Variants in DCBLD2 observed in about 807,000 individuals in gnomAD.
The protein encoded by DCBLD2 is discoidin, CUB and LCCL domain containing 2.
Under a neutral mutation model 86.8 loss-of-function variants are expected in DCBLD2, and 54 were observed. The ratio of observed to expected loss-of-function variants is 0.62; its 90% confidence interval spans 0.50 to 0.78. DCBLD2 has a LOEUF of 0.78. DCBLD2 is among the 30% of genes least tolerant of loss of function. DCBLD2 has a pLI of 0.00. For synonymous variants in DCBLD2, 354 were observed against 341.3 expected (o/e 1.04, Z -0.41); for missense variants, 908 against 954.2 (o/e 0.95, Z 0.64).
chr3:98,821,374 TC>T (rs1942116077), intron 6 of DCBLD2, among the ~76,000 whole-genome samples: 1 of 152,230 alleles, frequency 6.6e-6, no homozygotes, highest in South Asian at 2.1e-4. Context: ...TGTTTCAATT[TC>T]TCTTGCTTTT....
chr3:98,888,644 C>T (rs144077586), intron 1 of DCBLD2, among the ~76,000 whole-genome samples: 190 of 152,120 alleles, frequency 1.2e-3, no homozygotes, highest in African/African-American at 4.4e-3. Flanking sequence ...AAGATCAGAA[C>T]AGCTTTTGCC....
chr3:98,900,945 G>T, intron 1 of DCBLD2, 177 bp downstream of exon 1: 1 of 1,131,002 alleles, frequency 8.8e-7, no homozygotes, highest in Non-Finnish European at 1.2e-6. Flanking sequence ...CCAACTTGGG[G>T]GACAGACGGG....
chr3:98,892,683 C>A (rs942445801), intron 1 of DCBLD2, among the ~76,000 whole-genome samples: 5 of 152,134 alleles, frequency 3.3e-5, no homozygotes, highest in African/African-American at 1.2e-4. Context: ...CCCTCTCAAT[C>A]CTCCCAATAG....
chr3:98,817,986 C>T (rs954030980), intron 8 of DCBLD2, 93 bp from the exon 9 acceptor site: 12 of 1,434,056 alleles, frequency 8.4e-6, no homozygotes, highest in Non-Finnish European at 1.0e-5. Flanking sequence ...ATGCACAGCT[C>T]GAACATTTCT....
At chr3:98,799,995 A>G (rs1191171168) in intron 15 of DCBLD2, among the ~76,000 whole-genome samples, 154 bp from the exon 16 acceptor site, 1 of 152,246 alleles carries the variant, frequency 6.6e-6, no homozygotes, top group Non-Finnish European at 1.5e-5. Context: ...GAAAATTAAA[A>G]TTAAACATAC....
chr3:98,866,670 G>C (rs1354930929), intron 2 of DCBLD2, among the ~76,000 whole-genome samples: 4 of 152,178 alleles, frequency 2.6e-5, no homozygotes, highest in Admixed American at 6.5e-5. Context: ...TGTTCACTCT[G>C]ATGGTAGTTT....
intron 3 of DCBLD2, among the ~76,000 whole-genome samples, chr3:98,846,625 T>C (rs1942729109): frequency 6.6e-6 from 1 of 152,186 alleles, no homozygotes; most frequent in South Asian, 2.1e-4. Flanking sequence ...TTTCCCAAGA[T>C]GATTATGACT....
chr3:98,855,479 C>T (rs564289135), intron 2 of DCBLD2, among the ~76,000 whole-genome samples: 4 of 152,248 alleles, frequency 2.6e-5, no homozygotes, highest in South Asian at 2.1e-4. Flanking sequence ...TGTGTACTTA[C>T]GTACATCTTC....
At chr3:98,872,851 T>C (rs1006512337) in intron 2 of DCBLD2, among the ~76,000 whole-genome samples, 3 of 152,054 alleles carry the variant, frequency 2.0e-5, no homozygotes, top group Non-Finnish European at 4.4e-5. Context: ...CTTTGAAAGA[T>C]ATGGAAGAGT....
At chr3:98,843,591 T>A (rs1476031182) in intron 3 of DCBLD2, among the ~76,000 whole-genome samples, 2 of 152,154 alleles carry the variant, frequency 1.3e-5, no homozygotes, top group Non-Finnish European at 2.9e-5. Flanking sequence ...TATAATCTGA[T>A]GTAAGAATGA....
intron 13 of DCBLD2, among the ~76,000 whole-genome samples, chr3:98,804,134 CT>C (rs1158300687): frequency 2.6e-5 from 4 of 152,138 alleles, no homozygotes; most frequent in African/African-American, 7.2e-5. Context: ...CCAGCTCCTC[CT>C]TGTACCTCTG....
chr3:98,800,540 C>T, intron 15 of DCBLD2, 39 bp downstream of exon 15: 2 of 1,581,784 alleles, frequency 1.3e-6, no homozygotes, highest in Non-Finnish European at 1.7e-6. Context: ...TAAGCAGTTT[C>T]TCCCTCTGCC....
At chr3:98,874,246 T>C (rs1019429145) in intron 2 of DCBLD2, among the ~76,000 whole-genome samples, 2 of 152,202 alleles carry the variant, frequency 1.3e-5, no homozygotes, top group African/African-American at 4.8e-5. Flanking sequence ...TTTGTATGTA[T>C]AGTATCAATA....
At chr3:98,829,290 C>T (rs1415470711) in intron 3 of DCBLD2, among the ~76,000 whole-genome samples, 1 of 152,014 alleles carries the variant, frequency 6.6e-6, no homozygotes, top group Admixed American at 6.6e-5. Context: ...AGGTAGTTTT[C>T]CTTTTAACTT....
At chr3:98,865,926 T>A (rs1943135158) in intron 2 of DCBLD2, among the ~76,000 whole-genome samples, 1 of 147,226 alleles carries the variant, frequency 6.8e-6, no homozygotes, top group Admixed American at 6.9e-5. Flanking sequence ...GTTCTCATTG[T>A]TCAATTCCCA....
intron 2 of DCBLD2, among the ~76,000 whole-genome samples, chr3:98,870,802 A>AAAGAAAGAAAGG (rs1559794656): frequency 3.7e-4 from 50 of 135,862 alleles, no homozygotes; most frequent in African/African-American, 1.2e-3. Flanking sequence ...AGAAAGAAAG[A>AAAGAAAGAAAGG]AAGAAAGAAA....
At chr3:98,832,323 G>A (rs1018802877) in intron 3 of DCBLD2, among the ~76,000 whole-genome samples, 21 of 152,146 alleles carry the variant, frequency 1.4e-4, no homozygotes, top group African/African-American at 4.8e-4. Flanking sequence ...TTGAGCCTAT[G>A]GATGTCATTG....
In DCBLD2 at chr3:98,881,650, C is replaced by T. The variant is rs1166400447; in HGVS notation, c.323G>A (p.Gly108Glu). The T allele has an allele frequency of 1.9e-6, 3 of 1,613,836 alleles. No homozygotes were observed. The highest frequency in any genetic ancestry group is 2.7e-5 in the African/African-American group (2 of 74,912). Residue 108 changes from glycine (G) to glutamate (E), a missense_variant, in exon 2 of 16, where the codon GGA becomes GAA. Physicochemically the swap from Gly to Glu is moderately conservative, Grantham distance 98. This residue lies in a region of DCBLD2 where 294 missense variants were observed against 256.0 expected (regional missense o/e 1.15). Transcript: ENST00000326840. ...VCEWEIRVKM[G>E]ERVRIKFGDF... Reference sequence around the variant, plus strand: ...ACCAAATTTGATGCGAACTCTCTCTCCCATCTTTACACGGATCTCCCATTC... The same window carrying T: ...ACCAAATTTGATGCGAACTCTCTCTTCCATCTTTACACGGATCTCCCATTC...
chr3:98,881,356 G>A (rs1304282300), intron 2 of DCBLD2, among the ~76,000 whole-genome samples, 184 bp downstream of exon 2: 1 of 151,388 alleles, frequency 6.6e-6, no homozygotes, highest in African/African-American at 2.4e-5. Context: ...TATTAGAAAA[G>A]TAAATAAAGT....
Sources: gnomAD v4.1 joint callset for allele counts (sites outside exome capture counted in the v4.1 genomes callset) on GRCh38, gnomAD v4.1.1 for gene constraint, gnomAD v4.1.1 regional missense constraint, MANE v1.5 for transcripts, NCBI Gene and HGNC (gene_info 2026-07-23, HGNC 2026-07-21) for gene names.